The following CYLD variants were observed in gnomAD, a reference collection of about 807,000 sequenced individuals.
CYLD encodes ubiquitin carboxyl-terminal hydrolase CYLD.
Under a neutral mutation model 104.5 loss-of-function variants are expected in CYLD, and 26 were observed. The observed-to-expected ratio is 0.25, with a 90% CI of 0.18 to 0.35. The LOEUF (loss-of-function observed/expected upper bound fraction) is 0.35. CYLD is among the 10% of genes least tolerant of loss of function. The pLI is 1.00. For synonymous variants in CYLD, 385 were observed against 399.9 expected, an observed-to-expected ratio of 0.96 and a Z score of 0.45; for missense variants, 703 against 1,136.1, an observed-to-expected ratio of 0.62 and a Z score of 5.48.
rs577310910 is a variant in CYLD at position 50,755,998 on chromosome 16, A to C, written c.913+1574A>C. On this transcript the variant is annotated intron_variant, in intron 5 of 18. Coordinates refer to ENST00000427738, the MANE Select transcript of CYLD (RefSeq NM_001378743.1). The stretch of plus-strand genomic sequence containing the variant: ...TAGAATCTTTATGGTTTCAGGTCTT[A>C]GATTTAAGTCTTTGATCCCTCTATA... Among the ~76,000 whole-genome samples the C allele has an allele frequency of 1.4e-4, 22 of 152,294 alleles. No homozygotes were observed. The South Asian group carries it at 2.7e-3, about 19-fold the overall frequency.
Position 50,787,790 on chromosome 16 carries a change from T to G in CYLD, c.2046T>G (p.Pro682=). The G allele has an allele frequency of 1.9e-6, 3 of 1,541,514 alleles. No homozygotes were observed. The highest frequency in any genetic ancestry group is 2.7e-6 in the Non-Finnish European group (3 of 1,119,166). ...GATTTTTAAATTTTCTCCTAGATCC[T>G]GAGGAATTCTTGAATATTCTGTTTC... ...ASGFTSEEKD[P]EEFLNILFHH... is the part of the protein sequence containing the mutation. Residue 682 remains proline, a synonymous_variant, in exon 14 of 19, where the codon CCT becomes CCG. Coordinates refer to ENST00000427738, the MANE Select transcript of CYLD (RefSeq NM_001378743.1).
At chr16:50,751,561 G>C (rs192488410) in intron 3 of CYLD, 43 bp from the exon 4 acceptor site, 1 of 1,587,844 alleles carries the variant, frequency 6.3e-7, no homozygotes. Context: ...CCTATGGATC[G>C]TCTTTCTATA....
chr16:50,800,157 CT>C lies in CYLD; in HGVS notation c.*3650del. On this transcript the variant is annotated 3_prime_UTR_variant, in exon 19 of 19. Transcript: ENST00000427738. Reference sequence around the variant, plus strand: ...ACCTCTTGAGCTTTAGTTTCCTCCTCTGCATAATGAGAGGGTTAGACTACTG... The same window carrying C: ...ACCTCTTGAGCTTTAGTTTCCTCCTCGCATAATGAGAGGGTTAGACTACTG... 4.3e-6 allele frequency: 1 copy of C among 232,898 alleles called. No individual in the cohort carries two copies. The highest frequency in any genetic ancestry group is 6.0e-5 in the East Asian group (1 of 16,542). The allele number at this position is 232,898 out of a possible 1,614,324, so 14.4% of individuals were successfully genotyped here.
chr16:50,752,700 A>C (rs1361467053), intron 4 of CYLD, among the ~76,000 whole-genome samples: 1 of 152,052 alleles, frequency 6.6e-6, no homozygotes, highest in African/African-American at 2.4e-5. Flanking sequence ...GCTAACCACA[A>C]TTTCTTCTGA....
At chr16:50,782,523 C>T (rs1970324554) in intron 11 of CYLD, 57 bp downstream of exon 11, 3 of 1,546,502 alleles carry the variant, frequency 1.9e-6, no homozygotes, top group Non-Finnish European at 2.7e-6. Context: ...GGGACACATA[C>T]CGGTGTGTGT....
rs1249964088 is a variant in CYLD at position 50,794,858 on chromosome 16, T to C, written c.2686+430T>C. ...CTGGTCTCAAATTCCTGGCCTCAAG[T>C]GATTAACCCTCCTTTTCCTCTCGAT... On this transcript the variant is annotated intron_variant, in intron 18 of 18. Transcript: ENST00000427738. This position sits in a 1 kb window ranked among gnomAD's most constrained non-coding sequence, Gnocchi z 4.1. The C allele has an allele frequency of 3.8e-6, 1 of 261,692 alleles. No homozygotes were observed. The highest frequency in any genetic ancestry group is 2.3e-5 in the African/African-American group (1 of 44,316). 16.2% of individuals were successfully genotyped at this position (261,692 alleles called of 1,614,324 possible).
intron 5 of CYLD, among the ~76,000 whole-genome samples, chr16:50,759,252 C>G (rs934352490): frequency 2.2e-4 from 34 of 151,916 alleles, no homozygotes; most frequent in African/African-American, 8.2e-4. Flanking sequence ...AAAAAAGAAA[C>G]TTTTTACTGT....
chr16:50,781,677 T>G (rs968702104), intron 10 of CYLD, among the ~76,000 whole-genome samples: 1 of 152,208 alleles, frequency 6.6e-6, no homozygotes, highest in Non-Finnish European at 1.5e-5. Context: ...TGACAGACAT[T>G]TAGTTTTCAG....
At chr16:50,784,690 G>T (rs1459925400) in intron 12 of CYLD, 2 of 436,826 alleles carry the variant, frequency 4.6e-6, no homozygotes, top group Non-Finnish European at 8.4e-6. Context: ...AACCTATTTT[G>T]CTAGAGTAAA....
At chr16:50,789,433 A>G (rs1260829388) in intron 14 of CYLD, among the ~76,000 whole-genome samples, 1 of 152,184 alleles carries the variant, frequency 6.6e-6, no homozygotes, top group African/African-American at 2.4e-5. Context: ...CAGTAATAAC[A>G]TAGGTTGAAT....
At chr16:50,788,683 A>C (rs1971096002) in intron 14 of CYLD, among the ~76,000 whole-genome samples, 1 of 152,238 alleles carries the variant, frequency 6.6e-6, no homozygotes, top group Non-Finnish European at 1.5e-5. Context: ...GATAATAGCC[A>C]TATGTACACC....
At chr16:50,795,188 C>CA (rs1971898384) in intron 18 of CYLD, among the ~76,000 whole-genome samples, 1 of 152,192 alleles carries the variant, frequency 6.6e-6, no homozygotes, top group African/African-American at 2.4e-5. Context: ...TTAACTCAGT[C>CA]TTTCTGATCT....
chr16:50,758,202 G>C (rs1354061272), intron 5 of CYLD, among the ~76,000 whole-genome samples: 1 of 152,166 alleles, frequency 6.6e-6, no homozygotes, highest in African/African-American at 2.4e-5. Context: ...CTTCTAATAA[G>C]GTGACATTTG....
At chr16:50,744,229 T>G (rs1965981746) in intron 2 of CYLD, among the ~76,000 whole-genome samples, 1 of 152,120 alleles carries the variant, frequency 6.6e-6, no homozygotes, top group South Asian at 2.1e-4. Flanking sequence ...CCACTTGTAT[T>G]AGGGACTGTG....
intron 18 of CYLD, among the ~76,000 whole-genome samples, chr16:50,795,286 AAAGCCTCTTCTG>A (rs1474958426): frequency 6.6e-6 from 1 of 152,272 alleles, no homozygotes; most frequent in Non-Finnish European, 1.5e-5. Context: ...TCAGAAAAGT[AAAGCCTCTTCTG>A]CATGTAGTAT....
intron 5 of CYLD, among the ~76,000 whole-genome samples, chr16:50,767,466 AT>A (rs3064635): frequency 1.1e-3 from 158 of 143,856 alleles, no homozygotes; most frequent in East Asian, 3.0e-3. Flanking sequence ...GTGGGTTTCA[AT>A]TTTTTTTTTT....
In CYLD at chr16:50,754,329, T is replaced by C; in HGVS notation, c.818T>C (p.Ile273Thr). The change falls in exon 5 of 19, where the codon ATT (isoleucine) becomes ACT (threonine). Residue 273 changes from isoleucine (I) to threonine (T), a missense_variant. This residue lies in a region of CYLD where 123 missense variants were observed against 213.3 expected (regional missense o/e 0.58). Transcript: ENST00000427738. ...TTATTTAATTTCTAGGATAACCCTA[T>C]TGGCAACTGGGATGGAAGATTTGAT... is the stretch of plus-strand genomic sequence containing the variant. ...YFVGVDMDNP[I>T]GNWDGRFDGV... 6.2e-7 allele frequency: 1 copy of C among 1,609,840 alleles called. No homozygotes were observed. Among genetic ancestry groups the C allele is most frequent in the Non-Finnish European group, 8.5e-7 (1 of 1,176,326 alleles).
At chr16:50,796,288 G>A (rs775702863) in intron 18 of CYLD, 36 bp from the exon 19 acceptor site, 1 of 1,604,678 alleles carries the variant, frequency 6.2e-7, no homozygotes, top group Admixed American at 1.7e-5. Flanking sequence ...TTTAGAACTT[G>A]ACTGCCCTAT....
In CYLD at chr16:50,794,017, T is replaced by C. The variant is rs1971714856; in HGVS notation, c.2470-195T>C. 6.8e-6 allele frequency among the ~76,000 whole-genome samples: 1 copy of C among 146,226 alleles called. No homozygotes were observed. The highest frequency in any genetic ancestry group is 1.5e-5 in the Non-Finnish European group (1 of 67,094). On this transcript the variant is annotated intron_variant, in intron 17 of 18. Transcript: ENST00000427738. The surrounding 1 kb of genome is among the most constrained non-coding windows in gnomAD (Gnocchi z 4.1). Reference sequence around the variant, plus strand: ...ATCTCGGCCCACTGCAACCTCCGCCTCCGGGATTTAAATGATTCTCCTGCC... The same window carrying C: ...ATCTCGGCCCACTGCAACCTCCGCCCCCGGGATTTAAATGATTCTCCTGCC...
Sources: gnomAD v4.1 joint callset for allele counts (sites outside exome capture counted in the v4.1 genomes callset) on GRCh38, gnomAD v4.1.1 for gene constraint, gnomAD v4.1.1 regional missense constraint, Gnocchi (gnomAD v3.1) non-coding constraint, MANE v1.5 for transcripts, NCBI Gene and HGNC (gene_info 2026-07-23, HGNC 2026-07-21) for gene names.